LRRK1: variants seen among roughly 807,000 people sequenced by gnomAD.
LRRK1 encodes the protein leucine rich repeat kinase 1.
A neutral mutation model predicts 209.1 loss-of-function variants in LRRK1; 113 were observed. The observed-to-expected ratio is 0.54, with a 90% confidence interval of 0.46 to 0.63. The LOEUF (loss-of-function observed/expected upper bound fraction) is 0.63, where lower values mean the gene tolerates loss of function less well. LRRK1 is among the 30% of genes least tolerant of loss of function. The probability of loss-of-function intolerance (pLI) is 0.00; values close to 1 mark genes in which losing one functional copy is unlikely to be tolerated. For synonymous variants in LRRK1, 1,144 were observed against 1,099.7 expected (o/e 1.04, Z -0.80); for missense variants, 2,284 against 2,632.2 (o/e 0.87, Z 2.89).
chr15:100,935,680 C>T (rs2042287347), intron 2 of LRRK1, among the ~76,000 whole-genome samples: 1 of 152,104 alleles, frequency 6.6e-6, no homozygotes, highest in Admixed American at 6.5e-5. Flanking sequence ...CAAAATAAAG[C>T]TATCAGGACT....
chr15:101,014,259 C>T, intron 10 of LRRK1, 57 bp from the exon 11 acceptor site: 1 of 1,261,920 alleles, frequency 7.9e-7, no homozygotes, highest in South Asian at 1.2e-5. Context: ...TCAGTCTCCC[C>T]TCCCTTCTTG....
Position 101,056,852 on chromosome 15 carries a change from C to G in LRRK1, c.4333-4C>G. On this transcript the variant is annotated splice_polypyrimidine_tract_variant and splice_region_variant and intron_variant, in intron 27 of 33. Coordinates refer to ENST00000388948, the MANE Select transcript of LRRK1 (RefSeq NM_024652.6). Reference sequence around the variant, plus strand: ...CGACCTGACTTGGCTTGTTCTGTGCCCAGGTAGATATGTTCTCCTATGGAA... The same window carrying G: ...CGACCTGACTTGGCTTGTTCTGTGCGCAGGTAGATATGTTCTCCTATGGAA... 6.3e-7 allele frequency: 1 copy of G among 1,592,168 alleles called. No homozygotes were observed. The highest frequency in any genetic ancestry group is 8.6e-7 in the Non-Finnish European group (1 of 1,168,128).
chr15:101,058,218 T>A, intron 29 of LRRK1, 77 bp downstream of exon 29: 2 of 1,440,180 alleles, frequency 1.4e-6, no homozygotes, highest in Non-Finnish European at 1.9e-6. Flanking sequence ...ACACAGTCGA[T>A]GTTGACCACA....
chr15:101,014,883 T>C (rs557875882), intron 11 of LRRK1, among the ~76,000 whole-genome samples: 1 of 152,286 alleles, frequency 6.6e-6, no homozygotes, highest in South Asian at 2.1e-4. Context: ...CCCCTAATGG[T>C]GTCCTCTCAT....
intron 2 of LRRK1, among the ~76,000 whole-genome samples, chr15:100,958,381 C>G (rs1333979451): frequency 6.6e-6 from 1 of 152,144 alleles, no homozygotes; most frequent in Non-Finnish European, 1.5e-5. Flanking sequence ...TATATACTGT[C>G]CTGTCTGGAG....
chr15:100,970,821 G>A (rs554977809), intron 2 of LRRK1, among the ~76,000 whole-genome samples: 44 of 152,224 alleles, frequency 2.9e-4, no homozygotes, highest in African/African-American at 1.0e-3. Flanking sequence ...GAAGATGGAT[G>A]TCTTCCCACT....
intron 2 of LRRK1, among the ~76,000 whole-genome samples, chr15:100,972,666 C>T (rs2030997230): frequency 1.3e-5 from 2 of 151,858 alleles, no homozygotes; most frequent in Non-Finnish European, 2.9e-5. Context: ...TGTTATATGC[C>T]CCGAGTGCTT....
intron 33 of LRRK1, among the ~76,000 whole-genome samples, chr15:101,068,210 C>G (rs1370525619): frequency 6.6e-6 from 1 of 152,182 alleles, no homozygotes; most frequent in Non-Finnish European, 1.5e-5. Context: ...GTAGGTTTTC[C>G]ATTTAATATA....
At chr15:101,015,847 T>C (rs1178333638) in intron 12 of LRRK1, among the ~76,000 whole-genome samples, 1 of 152,180 alleles carries the variant, frequency 6.6e-6, no homozygotes, top group African/African-American at 2.4e-5. Context: ...AGACACTTAT[T>C]TTCTCACAGT....
intron 6 of LRRK1, among the ~76,000 whole-genome samples, chr15:101,004,693 C>T (rs904881039): frequency 2.0e-5 from 3 of 152,132 alleles, no homozygotes; most frequent in Non-Finnish European, 4.4e-5. Flanking sequence ...TGCGGCTTGC[C>T]CAGAGTCCAC....
At chr15:101,025,578 C>A (rs1188395537) in intron 16 of LRRK1, among the ~76,000 whole-genome samples, 2 of 152,310 alleles carry the variant, frequency 1.3e-5, no homozygotes, top group East Asian at 3.9e-4. Flanking sequence ...TTAGTCATGG[C>A]AGAAGGGAAG....
At chr15:100,981,179 G>T (rs928782095) in intron 3 of LRRK1, among the ~76,000 whole-genome samples, 3 of 152,186 alleles carry the variant, frequency 2.0e-5, no homozygotes, top group African/African-American at 7.2e-5. Context: ...CAGAAAGCCA[G>T]CTTTCACCTT....
chr15:100,997,264 T>C (rs2032464013), intron 6 of LRRK1, among the ~76,000 whole-genome samples: 1 of 152,128 alleles, frequency 6.6e-6, no homozygotes, highest in Non-Finnish European at 1.5e-5. Context: ...AGAAAAGACA[T>C]GGAAAATATT....
At position 101,009,096 on chromosome 15, in the gene LRRK1, T is replaced by C. The variant is rs764986783; in HGVS notation, c.989+33T>C. ...CCCGGGGTGTGACCGGAGCCGTGTG[T>C]GACCCCGCTGTCACCGTTGTGCTCC... On this transcript the variant is annotated intron_variant, in intron 7 of 33. Coordinates refer to ENST00000388948, the MANE Select transcript of LRRK1 (RefSeq NM_024652.6). The C allele has an allele frequency of 4.7e-6, 7 of 1,502,214 alleles. No homozygotes were observed. The Admixed American group carries it at 6.7e-5, about 14-fold the overall frequency. The allele number at this position is 1,502,214 out of a possible 1,614,324, so 93.1% of individuals were successfully genotyped here.
chr15:101,074,508 G>C lies in LRRK1; in HGVS notation c.*5660G>C, dbSNP rs1218759125. On this transcript the variant is annotated 3_prime_UTR_variant, in exon 34 of 34. Transcript: ENST00000388948. ...ATGCCTCGTTTGGCAGCAACCCTGAGACACTTTACGGCCCTAGACCCTAAA... is the reference window on the plus strand; with the variant it reads ...ATGCCTCGTTTGGCAGCAACCCTGACACACTTTACGGCCCTAGACCCTAAA... The C allele has an allele frequency of 6.6e-6, 1 of 152,046 alleles. No homozygotes were observed. The highest frequency in any genetic ancestry group is 2.4e-5 in the African/African-American group (1 of 41,356). 9.4% of individuals were successfully genotyped at this position (152,046 alleles called of 1,614,324 possible).
At chr15:100,970,931 A>T (rs375878067) in intron 2 of LRRK1, among the ~76,000 whole-genome samples, 4 of 152,164 alleles carry the variant, frequency 2.6e-5, no homozygotes, top group Non-Finnish European at 5.9e-5. Flanking sequence ...ATGTAATTTT[A>T]TACTATCATA....
intron 20 of LRRK1, among the ~76,000 whole-genome samples, chr15:101,032,380 T>C (rs1596300962): frequency 6.6e-6 from 1 of 152,128 alleles, no homozygotes; most frequent in Non-Finnish European, 1.5e-5. Context: ...CTGCACCCAT[T>C]AACTCGTCAT....
chr15:101,012,261 A>G lies in LRRK1; in HGVS notation c.1419+116A>G, dbSNP rs1013314868. On this transcript the variant is annotated intron_variant, in intron 10 of 33. Transcript: ENST00000388948. ...TCTGAGATAAATATAAGGGGAAAAG[A>G]TGAAGAAAAAGTTCAGCTATCAAAA... The G allele has an allele frequency of 2.5e-5, 25 of 1,008,814 alleles. No homozygotes were observed. The African/African-American group carries it at 3.1e-4, about 13-fold the overall frequency. 62.5% of individuals were successfully genotyped at this position (1,008,814 alleles called of 1,614,324 possible).
intron 30 of LRRK1, 160 bp from the exon 31 acceptor site, chr15:101,062,414 G>A (rs953183144): frequency 5.0e-6 from 3 of 598,332 alleles, no homozygotes; most frequent in East Asian, 2.8e-5. Flanking sequence ...TCTACAAAGA[G>A]CAGAAATCCA....
Sources: gnomAD v4.1 joint callset for allele counts (sites outside exome capture counted in the v4.1 genomes callset) on GRCh38, gnomAD v4.1.1 for gene constraint, MANE v1.5 for transcripts, NCBI Gene and HGNC (gene_info 2026-07-23, HGNC 2026-07-21) for gene names.